The following EPS8L2 variants were observed in gnomAD, a reference collection of about 807,000 sequenced individuals.
The protein encoded by EPS8L2 is epidermal growth factor receptor kinase substrate 8-like protein 2.
EPS8L2 carries 81 observed loss-of-function variants against 99.4 expected under a neutral mutation model. The ratio of observed to expected loss-of-function variants is 0.82; its 90% CI spans 0.68 to 0.98. The LOEUF (loss-of-function observed/expected upper bound fraction) is 0.98. Among genes scored for constraint, EPS8L2 ranks in the 50% least tolerant of loss-of-function variants. The probability of loss-of-function intolerance (pLI) is 0.00; values close to 1 mark genes in which losing one functional copy is unlikely to be tolerated. For missense variants in EPS8L2, 1,155 were observed against 968.8 expected, an observed-to-expected ratio of 1.19 and a Z score of -2.55; for synonymous variants, 509 against 407.3, an observed-to-expected ratio of 1.25 and a Z score of -3.01.
chr11:721,248 G>C, intron 8 of EPS8L2, 37 bp from the exon 9 acceptor site: 1 of 1,538,262 alleles, frequency 6.5e-7, no homozygotes, highest in Non-Finnish European at 8.7e-7. Context: ...GGCTCGTTGT[G>C]GGGGGCTCGG....
At position 714,407 on chromosome 11, in the gene EPS8L2, T is replaced by C. The variant is rs149958965; in HGVS notation, c.165+3921T>C. On this transcript the variant is annotated intron_variant, in intron 4 of 20. Coordinates refer to ENST00000318562, the MANE Select transcript of EPS8L2 (RefSeq NM_022772.4). ...ACCATGCCCGGCTCATTTTTTGTAT[T>C]TTCATCAGAGATGGGGTTTCACCAT... Among the ~76,000 whole-genome samples the C allele has an allele frequency of 4.4e-3, 666 of 151,428 alleles. 7 individuals are homozygous for C. Among genetic ancestry groups the C allele is most frequent in the African/African-American group, 0.015 (630 of 41,364 alleles).
intron 10 of EPS8L2, 26 bp from the exon 11 acceptor site, chr11:721,877 G>A (rs74916186): frequency 6.4e-7 from 1 of 1,567,620 alleles, no homozygotes; most frequent in East Asian, 2.4e-5. Flanking sequence ...GGGCCAGCCT[G>A]GCTCACGCGG....
Position 721,290 on chromosome 11 carries a change from C to T in EPS8L2, c.706C>T (p.Arg236Cys). 2.6e-6 allele frequency: 4 copies of T among 1,540,450 alleles called. No homozygotes were observed. Among genetic ancestry groups the T allele is most frequent in the East Asian group, 2.4e-5 (1 of 40,866 alleles). Residue 236 changes from arginine to cysteine, a missense_variant, in exon 9 of 21, where the codon CGC becomes TGC. By Grantham distance (180) the Arg-to-Cys change is radical. Transcript: ENST00000318562. The stretch of plus-strand genomic sequence containing the variant: ...GCCGCCGTGTCCCCCATCAGGTTTC[C>T]GCCGTCGGGAGTCGCAGGAGGAGCC... ...PQVPLSEPGF[R>C]RRESQEEPRA...
rs775689751 is a variant in EPS8L2 at position 720,188 on chromosome 11, G to C, written c.292G>C (p.Asp98His). 6.2e-6 allele frequency: 10 copies of C among 1,613,372 alleles called. No homozygotes were observed. Residue 98 changes from aspartate (D) to histidine (H), a missense_variant, in exon 5 of 21, where the codon GAC becomes CAC. Asp to His is a moderately conservative substitution (Grantham distance 81). Coordinates refer to ENST00000318562, the MANE Select transcript of EPS8L2 (RefSeq NM_022772.4). Reference sequence around the variant, plus strand: ...CCAGGAGATGCTGCTGCAGGTGAACGACCAGTCGCTGCGGCTGCTGGACAT... The same window carrying C: ...CCAGGAGATGCTGCTGCAGGTGAACCACCAGTCGCTGCGGCTGCTGGACAT... Reference protein sequence around the residue: ...WTQEMLLQVNDQSLRLLDIES... With the variant: ...WTQEMLLQVNHQSLRLLDIES...
intron 5 of EPS8L2, 108 bp downstream of exon 5, chr11:720,331 C>A: frequency 8.0e-7 from 1 of 1,253,616 alleles, no homozygotes; most frequent in Non-Finnish European, 1.1e-6. Flanking sequence ...GCCGGCCATG[C>A]CCTATCATTC....
rs1416547984 is a variant in EPS8L2, at chr11:709,650, A to T, written c.100+42A>T. The stretch of plus-strand genomic sequence containing the variant: ...AACGGGCTGGACGTCACAGGGGAGA[A>T]ATGGGCACTGCATCCAGGTGGGGGA... On this transcript the variant is annotated intron_variant, in intron 3 of 20. Transcript: ENST00000318562. 6 of 1,601,188 alleles carry T rather than the reference A, an allele frequency of 3.7e-6. No individual in the cohort carries two copies. In the Admixed American group the frequency reaches 1.0e-4, roughly 27 times the overall value.
chr11:724,385 C>A lies in EPS8L2; in HGVS notation c.1455-339C>A, dbSNP rs1293709289. On this transcript the variant is annotated intron_variant, in intron 15 of 20. Transcript: ENST00000318562. The surrounding 1 kb of genome is among the most constrained non-coding windows in gnomAD (Gnocchi z 5.5). ...TGGCCAGCTGCGGGGAGCTGTGACC[C>A]TGGCGTTTCCCAGGAACGCCCCTGG... Among the ~76,000 whole-genome samples the A allele has an allele frequency of 6.6e-6, 1 of 152,174 alleles. No homozygotes were observed. Among genetic ancestry groups the A allele is most frequent in the South Asian group, 2.1e-4 (1 of 4,834 alleles).
chr11:719,406 C>T (rs971273685), intron 4 of EPS8L2, among the ~76,000 whole-genome samples: 1 of 152,228 alleles, frequency 6.6e-6, no homozygotes, highest in Admixed American at 6.5e-5. Context: ...AACACGGCAG[C>T]TTGGCTGGAG....
Position 727,047 on chromosome 11 carries a change from TTA to T in EPS8L2, c.*70_*71del, listed in dbSNP as rs755966448. The T allele has an allele frequency of 2.7e-6, 3 of 1,107,014 alleles. No individual in the cohort carries two copies. In the East Asian group the frequency reaches 7.4e-5, roughly 27 times the overall value. 68.6% of individuals were successfully genotyped at this position (1,107,014 alleles called of 1,614,324 possible). On this transcript the variant is annotated 3_prime_UTR_variant, in exon 21 of 21. Coordinates refer to ENST00000318562, the MANE Select transcript of EPS8L2 (RefSeq NM_022772.4). Reference sequence around the variant, plus strand: ...ACCCACAATGCATGGAGTATTATTTTTATATGTGTATGTATTTTGTATCAAGG... The same window carrying T: ...ACCCACAATGCATGGAGTATTATTTTTATGTGTATGTATTTTGTATCAAGG...
chr11:726,060 C>T, intron 17 of EPS8L2, 38 bp from the exon 18 acceptor site: 1 of 1,273,806 alleles, frequency 7.9e-7, no homozygotes, highest in Non-Finnish European at 1.1e-6. Context: ...GAGGCGGGGG[C>T]GGGGCGTGGG....
At position 720,172 on chromosome 11, in the gene EPS8L2, G is replaced by A. The variant is rs1262349020; in HGVS notation, c.276G>A (p.Met92Ile). 1.9e-6 allele frequency: 3 copies of A among 1,613,288 alleles called. No individual in the cohort carries two copies. Among genetic ancestry groups the A allele is most frequent in the Admixed American group, 3.3e-5 (2 of 60,006 alleles). ...SSKEKIWTQE[M>I]LLQVNDQSLR... is the part of the protein sequence containing the mutation. ...AGGAGAAGATCTGGACCCAGGAGAT[G>A]CTGCTGCAGGTGAACGACCAGTCGC... Residue 92 changes from methionine to isoleucine, a missense_variant, in exon 5 of 21, where the codon ATG (methionine) becomes ATA (isoleucine). Coordinates refer to ENST00000318562, the MANE Select transcript of EPS8L2 (RefSeq NM_022772.4).
chr11:719,227 G>A (rs576895526), intron 4 of EPS8L2, among the ~76,000 whole-genome samples: 20 of 152,182 alleles, frequency 1.3e-4, no homozygotes, highest in Non-Finnish European at 1.6e-4. Context: ...TCGGCCTCCC[G>A]CAGTGCTGGG....
intron 3 of EPS8L2, 167 bp downstream of exon 3, chr11:709,775 G>A: frequency 1.4e-6 from 1 of 696,090 alleles, no homozygotes; most frequent in Non-Finnish European, 2.4e-6. Context: ...AAAGCTCCTG[G>A]CCACTGGATC....
At chr11:721,789 T>A in intron 10 of EPS8L2, 98 bp downstream of exon 10, 1 of 1,488,642 alleles carries the variant, frequency 6.7e-7, no homozygotes, top group Non-Finnish European at 9.3e-7. Context: ...CCATGGGGGC[T>A]ACTCATGGAG....
At chr11:717,784 C>A (rs1862057840) in intron 4 of EPS8L2, among the ~76,000 whole-genome samples, 1 of 151,866 alleles carries the variant, frequency 6.6e-6, no homozygotes, top group African/African-American at 2.4e-5. Flanking sequence ...CCGAGGCGGG[C>A]AGATCACAAG....
At position 722,455 on chromosome 11, in the gene EPS8L2, C is replaced by T. The variant is rs11555484; in HGVS notation, c.1114C>T (p.Leu372Phe). ...CGCACGCTCCGTCTCCTGCCCACTGCTCTCCCGAGATGCCGTGGACTTCCT... is the reference window on the plus strand; with the variant it reads ...CGCACGCTCCGTCTCCTGCCCACTGTTCTCCCGAGATGCCGTGGACTTCCT... ...DIARSVSCPL[L>F]SRDAVDFLRG... The change falls in exon 13 of 21, where the codon CTC (leucine) becomes TTC (phenylalanine). Residue 372 changes from leucine to phenylalanine, a missense_variant. Transcript: ENST00000318562. 2.5e-6 allele frequency: 4 copies of T among 1,613,530 alleles called. No homozygotes were observed. The South Asian group carries it at 4.4e-5, about 18-fold the overall frequency.
At position 724,532 on chromosome 11, in the gene EPS8L2, C is replaced by T. The variant is rs1862266120; in HGVS notation, c.1455-192C>T. The T allele has an allele frequency of 3.4e-6, 2 of 596,344 alleles. No individual in the cohort carries two copies. Among genetic ancestry groups the T allele is most frequent in the Admixed American group, 2.9e-5 (1 of 34,832 alleles). 36.9% of individuals were successfully genotyped at this position (596,344 alleles called of 1,614,324 possible). Reference sequence around the variant, plus strand: ...CTGCCTGCCCCGCCTCCACGCAGGGCCCCAAAGCTCTGGGGCTGTCACAGT... The same window carrying T: ...CTGCCTGCCCCGCCTCCACGCAGGGTCCCAAAGCTCTGGGGCTGTCACAGT... On this transcript the variant is annotated intron_variant, in intron 15 of 20. Transcript: ENST00000318562. This position sits in a 1 kb window ranked among gnomAD's most constrained non-coding sequence, Gnocchi z 5.5.
At chr11:711,478 T>A (rs1336066943) in intron 4 of EPS8L2, among the ~76,000 whole-genome samples, 2 of 152,058 alleles carry the variant, frequency 1.3e-5, no homozygotes, top group Non-Finnish European at 1.5e-5. Context: ...CCCCAGTAGC[T>A]GGGCCTACAG....
At chr11:721,404 G>A (rs770898194) in intron 9 of EPS8L2, 52 bp downstream of exon 9, 161 of 1,530,112 alleles carry the variant, frequency 1.1e-4, no homozygotes, top group Non-Finnish European at 1.3e-4. Flanking sequence ...CCCCAGCAGT[G>A]GACACTGGTC....
Sources: allele counts gnomAD v4.1 joint callset (sites outside exome capture counted in the v4.1 genomes callset), GRCh38; gene constraint gnomAD v4.1.1; non-coding constraint Gnocchi (gnomAD v3.1); transcripts MANE v1.5; gene names NCBI Gene and HGNC (gene_info 2026-07-23, HGNC 2026-07-21).